The following PDS5A variants were observed in gnomAD, a reference collection of about 807,000 sequenced individuals.
PDS5A encodes sister chromatid cohesion protein PDS5 homolog A.
In PDS5A, 42 loss-of-function variants were observed where a neutral mutation model predicts 167.1. The ratio of observed to expected loss-of-function variants is 0.25; its 90% CI spans 0.20 to 0.33. The LOEUF is 0.33. PDS5A is among the 10% of genes least tolerant of loss of function. The pLI is 1.00. For synonymous variants in PDS5A, 553 were observed against 554.6 expected (o/e 1.00, Z 0.04); for missense variants, 1,033 against 1,605.9 (o/e 0.64, Z 6.10).
intron 21 of PDS5A, among the ~76,000 whole-genome samples, chr4:39,870,878 T>C (rs1719970272): frequency 6.6e-6 from 1 of 152,126 alleles, no homozygotes; most frequent in South Asian, 2.1e-4. Flanking sequence ...TATATCAGCA[T>C]TATTCACAAC....
At chr4:39,833,010 TAATA>T (rs150009872) in intron 32 of PDS5A, among the ~76,000 whole-genome samples, 33 of 148,354 alleles carry the variant, frequency 2.2e-4, no homozygotes, top group African/African-American at 3.7e-4. Flanking sequence ...AAGAAAAAAA[TAATA>T]AATAAATAAA....
rs1325946752 is a variant in PDS5A at position 39,824,067 on chromosome 4, G to A, written c.*1418C>T. ...TGAGCACATTCTGCTAGGGCTTTGC[G>A]GATGACCCTACAGTGGACAGTGGGG... On this transcript the variant is annotated 3_prime_UTR_variant, in exon 33 of 33. Transcript: ENST00000303538. 2.0e-5 allele frequency: 3 copies of A among 152,172 alleles called. No homozygotes were observed. The highest frequency in any genetic ancestry group is 6.5e-5 in the Admixed American group (1 of 15,278). The allele number at this position is 152,172 out of a possible 1,614,324, so 9.4% of individuals were successfully genotyped here.
intron 32 of PDS5A, among the ~76,000 whole-genome samples, chr4:39,831,971 G>A (rs75241813): frequency 0.071 from 10,476 of 148,408 alleles, 455 homozygotes; most frequent in Non-Finnish European, 0.1. Context: ...AAAATTAGCC[G>A]GGTGTGGTGG....
chr4:39,942,664 G>A (rs191036692), intron 2 of PDS5A, among the ~76,000 whole-genome samples: 521 of 152,220 alleles, frequency 3.4e-3, no homozygotes, highest in Non-Finnish European at 6.1e-3. Flanking sequence ...GGGCTCAAGC[G>A]ATACACCTGC....
At chr4:39,867,884 A>C (rs974330360) in intron 22 of PDS5A, among the ~76,000 whole-genome samples, 5 of 152,130 alleles carry the variant, frequency 3.3e-5, no homozygotes, top group African/African-American at 1.2e-4. Flanking sequence ...GTCTCATTTA[A>C]CATTGTGACC....
chr4:39,847,637 G>A (rs930374395), intron 28 of PDS5A: 7 of 151,978 alleles, frequency 4.6e-5, no homozygotes, highest in Admixed American at 2.6e-4. Flanking sequence ...GATTCAATTA[G>A]AGAGCATACT....
intron 2 of PDS5A, among the ~76,000 whole-genome samples, chr4:39,929,519 CTATATATATATATATATATATATA>C (rs58069502): frequency 5.0e-5 from 4 of 79,406 alleles, no homozygotes; most frequent in Middle Eastern, 5.5e-3. Context: ...ACTTAATAAA[CTATATATATATATATATATATATA>C]TATATATATA....
intron 17 of PDS5A, among the ~76,000 whole-genome samples, chr4:39,882,267 A>G (rs915139224): frequency 6.6e-6 from 1 of 152,210 alleles, no homozygotes; most frequent in Admixed American, 6.5e-5. Context: ...AAATATGCCC[A>G]TTTTAAAACT....
intron 31 of PDS5A, among the ~76,000 whole-genome samples, chr4:39,838,427 A>C (rs1417723341): frequency 1.3e-5 from 2 of 152,240 alleles, no homozygotes. Flanking sequence ...ATAAATGCTC[A>C]TTAAAAAGCA....
chr4:39,834,507 A>G (rs943145142), intron 32 of PDS5A, among the ~76,000 whole-genome samples: 1 of 152,324 alleles, frequency 6.6e-6, no homozygotes, highest in Admixed American at 6.5e-5. Flanking sequence ...TTAGGCATCC[A>G]GCTTACAGTA....
intron 7 of PDS5A, among the ~76,000 whole-genome samples, 163 bp downstream of exon 7, chr4:39,920,156 C>T (rs963084797): frequency 1.3e-5 from 2 of 152,078 alleles, no homozygotes; most frequent in Admixed American, 1.3e-4. Context: ...CCTTTAAAAA[C>T]GTCATGAAAC....
chr4:39,840,695 C>T (rs942017252), intron 31 of PDS5A, among the ~76,000 whole-genome samples: 13 of 152,006 alleles, frequency 8.6e-5, no homozygotes, highest in Non-Finnish European at 1.5e-4. Context: ...TGCGCCGGGT[C>T]GCCTCCCGCA....
chr4:39,888,241 C>CAAAA (rs34845975), intron 17 of PDS5A, among the ~76,000 whole-genome samples: 4 of 56,232 alleles, frequency 7.1e-5, no homozygotes, highest in Non-Finnish European at 7.0e-5. Context: ...AAGACTCCGG[C>CAAAA]AAAAAAAAAA....
chr4:39,913,543 A>C (rs1455885284), intron 9 of PDS5A, 68 bp downstream of exon 9: 3 of 817,580 alleles, frequency 3.7e-6, no homozygotes, highest in African/African-American at 1.7e-5. Context: ...GTATAGTTTT[A>C]ATCAAGTGGA....
intron 2 of PDS5A, among the ~76,000 whole-genome samples, chr4:39,958,024 G>A (rs1327755095): frequency 4.6e-5 from 7 of 151,850 alleles, no homozygotes; most frequent in Non-Finnish European, 1.0e-4. Context: ...CTGAGTAGCT[G>A]GGACTACAGG....
intron 5 of PDS5A, among the ~76,000 whole-genome samples, chr4:39,923,644 C>CACACACAAACACACAA (rs753784151): frequency 0.026 from 3,876 of 149,498 alleles, 145 homozygotes; most frequent in East Asian, 0.17. Context: ...TCAAAACACA[C>CACACACAAACACACAA]ACACACACAC....
intron 31 of PDS5A, among the ~76,000 whole-genome samples, chr4:39,840,803 G>A (rs1360333245): frequency 1.3e-5 from 2 of 152,158 alleles, no homozygotes; most frequent in Admixed American, 6.6e-5. Context: ...CGCCCAGGCT[G>A]GAATGCAATG....
intron 28 of PDS5A, chr4:39,848,103 A>G (rs1717793994): frequency 6.6e-6 from 1 of 152,232 alleles, no homozygotes. Flanking sequence ...CCATCTCTCC[A>G]CCTCAATTTC....
chr4:39,958,438 T>C (rs1578827611), intron 2 of PDS5A, among the ~76,000 whole-genome samples: 1 of 137,770 alleles, frequency 7.3e-6, no homozygotes, highest in Non-Finnish European at 1.5e-5. Flanking sequence ...AATCAGAAGG[T>C]GGAGGTTGCA....
Sources: gnomAD v4.1 joint callset for allele counts (sites outside exome capture counted in the v4.1 genomes callset) on GRCh38, gnomAD v4.1.1 for gene constraint, MANE v1.5 for transcripts, NCBI Gene and HGNC (gene_info 2026-07-23, HGNC 2026-07-21) for gene names.